Variants in SPRED1 observed in about 807,000 individuals in gnomAD.
SPRED1 encodes the protein sprouty related EVH1 domain containing 1, also known as sprouty-related, EVH1 domain-containing protein 1.
SPRED1 carries 18 observed loss-of-function variants against 52.3 expected under a neutral mutation model. The observed-to-expected ratio is 0.34, with a 90% confidence interval of 0.24 to 0.51. The LOEUF is 0.51. SPRED1 is among the 20% of genes least tolerant of loss of function. The pLI is 0.97. For synonymous variants in SPRED1, 155 were observed against 179.7 expected (o/e 0.86, Z 1.10); for missense variants, 485 against 551.0 (o/e 0.88, Z 1.20).
intron 1 of SPRED1, among the ~76,000 whole-genome samples, chr15:38,285,686 T>C (rs1226161476): frequency 6.6e-6 from 1 of 152,182 alleles, no homozygotes; most frequent in Non-Finnish European, 1.5e-5. Context: ...GCGTGAAATA[T>C]GTGGCTCTTG....
chr15:38,261,065 A>G (rs1039898568), intron 1 of SPRED1, among the ~76,000 whole-genome samples: 13 of 152,240 alleles, frequency 8.5e-5, no homozygotes, highest in Admixed American at 5.9e-4. Flanking sequence ...AGGATGTAAG[A>G]ATGGATCAAC....
intron 1 of SPRED1, among the ~76,000 whole-genome samples, chr15:38,263,865 T>G (rs1282366379): frequency 6.6e-6 from 1 of 152,048 alleles, no homozygotes; most frequent in East Asian, 1.9e-4. Flanking sequence ...AGTGTACAAA[T>G]TTGGGTTGGG....
At position 38,299,694 on chromosome 15, in the gene SPRED1, CA is replaced by C. The variant is rs1895115082; in HGVS notation, c.207+149del. 1.6e-5 allele frequency: 13 copies of C among 800,406 alleles called. No homozygotes were observed. The South Asian group carries it at 1.8e-4, about 11-fold the overall frequency. The allele number at this position is 800,406 out of a possible 1,614,324, so 49.6% of individuals were successfully genotyped here. On this transcript the variant is annotated intron_variant, in intron 2 of 6. Coordinates refer to ENST00000299084, the MANE Select transcript of SPRED1 (RefSeq NM_152594.3). ...TTTCTGTGTTAAAGGCAGTGAAATA[CA>C]ACATTTTTTTTTCAAACTGAGACTG...
intron 4 of SPRED1, among the ~76,000 whole-genome samples, chr15:38,336,439 A>ATT (rs869289933): frequency 1.8e-4 from 6 of 33,386 alleles, no homozygotes; most frequent in African/African-American, 3.4e-4. Context: ...TATATATAAT[A>ATT]TTATATATAT....
intron 1 of SPRED1, among the ~76,000 whole-genome samples, chr15:38,265,699 A>G (rs925838000): frequency 2.0e-5 from 3 of 152,076 alleles, no homozygotes; most frequent in Non-Finnish European, 4.4e-5. Flanking sequence ...TAATTTTAAT[A>G]CCTGAGCACA....
At chr15:38,294,007 G>GTTTATGTAGTATATGAATCTCATGGGTT (rs1894980788) in intron 1 of SPRED1, among the ~76,000 whole-genome samples, 1 of 151,780 alleles carries the variant, frequency 6.6e-6, no homozygotes, top group African/African-American at 2.4e-5. Context: ...TTTCAATTTT[G>GTTTATGTAGTATATGAATCTCATGGGTT]TTTATGTAGT....
In SPRED1 at chr15:38,252,971, C is replaced by G; in HGVS notation, c.-215C>G. ...GCGGGGGAAGAGGCTGGGGTCGCCA[C>G]GGCGGAGGTTGCTGCCGCCACCCCC... On this transcript the variant is annotated 5_prime_UTR_variant, in exon 1 of 7. Coordinates refer to ENST00000299084, the MANE Select transcript of SPRED1 (RefSeq NM_152594.3). 1.7e-6 allele frequency: 1 copy of G among 600,778 alleles called. No individual in the cohort carries two copies. The highest frequency in any genetic ancestry group is 3.0e-6 in the Non-Finnish European group (1 of 338,804). The allele number at this position is 600,778 out of a possible 1,614,324, so 37.2% of individuals were successfully genotyped here.
At chr15:38,326,201 A>G (rs1895708330) in intron 4 of SPRED1, 2 of 152,312 alleles carry the variant, frequency 1.3e-5, no homozygotes, top group South Asian at 2.1e-4. Context: ...AAGCTTAGCA[A>G]CAATGTCATG....
chr15:38,335,231 C>T (rs1162806303), intron 4 of SPRED1, among the ~76,000 whole-genome samples: 3 of 152,048 alleles, frequency 2.0e-5, no homozygotes, highest in East Asian at 1.9e-4. Flanking sequence ...ATTCTCCTCC[C>T]TGTCCTCTCC....
intron 5 of SPRED1, among the ~76,000 whole-genome samples, chr15:38,345,920 G>T (rs1259908665): frequency 6.6e-6 from 1 of 152,154 alleles, no homozygotes; most frequent in Non-Finnish European, 1.5e-5. Context: ...ATGTTCACTA[G>T]ATCTGCAGAG....
At chr15:38,282,085 A>G (rs1168561129) in intron 1 of SPRED1, among the ~76,000 whole-genome samples, 2 of 152,198 alleles carry the variant, frequency 1.3e-5, no homozygotes, top group Non-Finnish European at 2.9e-5. Flanking sequence ...CACCAGCATC[A>G]CTGAGTTCAT....
intron 1 of SPRED1, chr15:38,283,436 C>A: frequency 1.3e-6 from 1 of 796,870 alleles, no homozygotes; most frequent in Non-Finnish European, 1.5e-6. Flanking sequence ...GATATGTAGA[C>A]AAGGTCAGCA....
intron 2 of SPRED1, among the ~76,000 whole-genome samples, chr15:38,318,604 A>C (rs1310773249): frequency 6.6e-6 from 1 of 152,098 alleles, no homozygotes; most frequent in Non-Finnish European, 1.5e-5. Flanking sequence ...CCCCTGTAGT[A>C]GTTCCCAGTG....
At chr15:38,269,218 AGGCGTGAGCC>A (rs2140955159) in intron 1 of SPRED1, among the ~76,000 whole-genome samples, 2 of 152,238 alleles carry the variant, frequency 1.3e-5, no homozygotes, top group Non-Finnish European at 2.9e-5. Context: ...CTGGGATTCC[AGGCGTGAGCC>A]ACCGCACCCA....
chr15:38,332,852 C>T (rs1024678664), intron 4 of SPRED1, among the ~76,000 whole-genome samples: 1 of 152,132 alleles, frequency 6.6e-6, no homozygotes, highest in Non-Finnish European at 1.5e-5. Flanking sequence ...AGTAATTTGT[C>T]ACCATTCTTG....
chr15:38,255,161 G>A (rs7176274), intron 1 of SPRED1, among the ~76,000 whole-genome samples: 33,565 of 152,040 alleles, frequency 0.22, 3,922 homozygotes, highest in Middle Eastern at 0.33. Context: ...TTTGTATAGT[G>A]ATAGTGCGTT....
chr15:38,293,099 C>CTTTTTTGTTTTT (rs1894958319), intron 1 of SPRED1, among the ~76,000 whole-genome samples: 1 of 90,724 alleles, frequency 1.1e-5, no homozygotes, highest in African/African-American at 4.2e-5. Flanking sequence ...AAGATTACAA[C>CTTTTTTGTTTTT]TTTTTTTTTT....
intron 2 of SPRED1, among the ~76,000 whole-genome samples, chr15:38,312,498 C>T (rs1001341267): frequency 6.6e-6 from 1 of 152,084 alleles, no homozygotes; most frequent in Non-Finnish European, 1.5e-5. Context: ...ATGCCCTCCC[C>T]TTTTGTGGGT....
rs1555387949 is a variant in SPRED1 at position 38,272,276 on chromosome 15, G to GTTTTTTTTTTTTTTT, written c.32+19069_32+19070insTTTTTTTTTTTTTTT. 6.8e-5 allele frequency among the ~76,000 whole-genome samples: 9 copies of GTTTTTTTTTTTTTTT among 131,422 alleles called. 3 individuals carry two copies. The highest frequency in any genetic ancestry group is 1.1e-4 in the Non-Finnish European group (7 of 63,004). 86.2% of individuals were successfully genotyped at this position (131,422 alleles called of 152,430 possible). A position where few individuals can be genotyped will look rare whatever the true frequency, so the allele number is the denominator to read the frequency against. The stretch of plus-strand genomic sequence containing the variant: ...TGAGATTGTAGGGGTCGAATGCTAG[G>GTTTTTTTTTTTTTTT]TTTTTTTTTTGAGATGAAGTCTTGC... On this transcript the variant is annotated intron_variant, in intron 1 of 6. Coordinates refer to ENST00000299084, the MANE Select transcript of SPRED1 (RefSeq NM_152594.3).
Sources: allele counts gnomAD v4.1 joint callset (sites outside exome capture counted in the v4.1 genomes callset), GRCh38; gene constraint gnomAD v4.1.1; transcripts MANE v1.5; gene names NCBI Gene and HGNC (gene_info 2026-07-23, HGNC 2026-07-21).